The following GATB variants were observed in gnomAD, a reference collection of about 807,000 sequenced individuals.
GATB encodes the protein glutamyl-tRNA(Gln) amidotransferase subunit B, mitochondrial.
A neutral mutation model predicts 62.3 loss-of-function variants in GATB; 39 were observed. The observed-to-expected ratio is 0.63, with a 90% CI of 0.48 to 0.82. The LOEUF is 0.82. GATB is among the 40% of genes least tolerant of loss of function. The pLI is 0.00. For synonymous variants in GATB, 276 were observed against 258.9 expected, an observed-to-expected ratio of 1.07 and a Z score of -0.63; for missense variants, 670 against 684.0, an observed-to-expected ratio of 0.98 and a Z score of 0.23.
chr4:151,711,456 C>T (rs987685695), intron 5 of GATB, among the ~76,000 whole-genome samples: 1 of 152,182 alleles, frequency 6.6e-6, no homozygotes, highest in African/African-American at 2.4e-5. Flanking sequence ...TGTGCTACCT[C>T]GCTTACCTCG....
chr4:151,756,722 C>A (rs1427451614), intron 2 of GATB, among the ~76,000 whole-genome samples: 1 of 152,190 alleles, frequency 6.6e-6, no homozygotes, highest in Non-Finnish European at 1.5e-5. Context: ...TGAACAAGCA[C>A]CTTCTTTTTT....
intron 7 of GATB, 107 bp downstream of exon 7, chr4:151,705,078 G>T: frequency 2.8e-6 from 2 of 704,426 alleles, no homozygotes; most frequent in South Asian, 1.7e-5. Flanking sequence ...CCTAAAAGTG[G>T]AGACGCTACG....
intron 6 of GATB, among the ~76,000 whole-genome samples, chr4:151,705,869 C>T (rs1435699656): frequency 6.6e-6 from 1 of 152,034 alleles, no homozygotes; most frequent in African/African-American, 2.4e-5. Context: ...GGGGGTCTCA[C>T]TATGTTTTCC....
intron 7 of GATB, 116 bp downstream of exon 7, chr4:151,705,069 C>G (rs1738687496): frequency 3.0e-6 from 2 of 675,970 alleles, no homozygotes; most frequent in Non-Finnish European, 2.6e-6. Flanking sequence ...ATGAGGAAAC[C>G]TAAAAGTGGA....
At chr4:151,675,952 G>A (rs1352903950) in intron 11 of GATB, 3 of 152,264 alleles carry the variant, frequency 2.0e-5, no homozygotes, top group Non-Finnish European at 2.9e-5. Context: ...CTGAAGGAAA[G>A]CACACAAGAC....
chr4:151,743,237 T>C (rs1206444475), intron 2 of GATB, among the ~76,000 whole-genome samples: 1 of 152,234 alleles, frequency 6.6e-6, no homozygotes, highest in Admixed American at 6.5e-5. Flanking sequence ...GCTTTCTTCA[T>C]GGTGAGTCTG....
At chr4:151,749,800 G>C (rs1739676835) in intron 2 of GATB, among the ~76,000 whole-genome samples, 1 of 152,104 alleles carries the variant, frequency 6.6e-6, no homozygotes, top group Non-Finnish European at 1.5e-5. Flanking sequence ...CAGCTCTGGA[G>C]ACATTGTCTG....
chr4:151,673,799 C>T (rs1482129652), intron 11 of GATB: 2 of 152,212 alleles, frequency 1.3e-5, no homozygotes, highest in African/African-American at 2.4e-5. Flanking sequence ...TGGTCTCCCA[C>T]CGGTGCCACC....
At chr4:151,753,181 T>C (rs6849782) in intron 2 of GATB, among the ~76,000 whole-genome samples, 371 of 152,208 alleles carry the variant, frequency 2.4e-3, no homozygotes, top group African/African-American at 8.5e-3. Flanking sequence ...TCAGGGAAAG[T>C]GTGTCATGAG....
At chr4:151,695,549 C>G (rs1363763729) in intron 9 of GATB, among the ~76,000 whole-genome samples, 2 of 152,162 alleles carry the variant, frequency 1.3e-5, no homozygotes, top group Non-Finnish European at 2.9e-5. Context: ...TCGGGATGCT[C>G]TGGCTTCCTC....
chr4:151,717,522 G>A (rs1329372476), intron 3 of GATB, among the ~76,000 whole-genome samples: 2 of 152,068 alleles, frequency 1.3e-5, no homozygotes, highest in African/African-American at 4.8e-5. Context: ...CTCTCCACAC[G>A]GCCAACAGCA....
chr4:151,725,678 T>C (rs989455551), intron 2 of GATB, among the ~76,000 whole-genome samples: 1 of 152,258 alleles, frequency 6.6e-6, no homozygotes, highest in East Asian at 1.9e-4. Flanking sequence ...GAAGATTATA[T>C]AACTTACTTA....
chr4:151,745,140 T>C (rs867013932), intron 2 of GATB, among the ~76,000 whole-genome samples: 1 of 152,232 alleles, frequency 6.6e-6, no homozygotes, highest in African/African-American at 2.4e-5. Context: ...AGAAATTTCA[T>C]AGAAAATGGT....
At chr4:151,703,715 T>C in intron 8 of GATB, 136 bp downstream of exon 8, 2 of 720,284 alleles carry the variant, frequency 2.8e-6, no homozygotes, top group Non-Finnish European at 5.1e-6. Flanking sequence ...GAAGTCTAGA[T>C]GTCCCATCAT....
chr4:151,708,275 G>C (rs1344500176), intron 5 of GATB, among the ~76,000 whole-genome samples, 174 bp from the exon 6 acceptor site: 1 of 152,210 alleles, frequency 6.6e-6, no homozygotes, highest in Non-Finnish European at 1.5e-5. Flanking sequence ...GGTACTTCTG[G>C]CCACTCGAGA....
At chr4:151,675,593 T>C (rs1423766532) in intron 11 of GATB, 2 of 152,258 alleles carry the variant, frequency 1.3e-5, no homozygotes, top group African/African-American at 4.8e-5. Flanking sequence ...AGCCCTGTGC[T>C]GCAGCATAAA....
At chr4:151,731,694 C>A (rs571441866) in intron 2 of GATB, among the ~76,000 whole-genome samples, 2 of 151,200 alleles carry the variant, frequency 1.3e-5, no homozygotes, top group African/African-American at 4.9e-5. Flanking sequence ...GGCCGCCCAT[C>A]GTCTGAGATG....
intron 6 of GATB, among the ~76,000 whole-genome samples, chr4:151,705,952 TG>T (rs1182080045): frequency 4.6e-5 from 7 of 152,176 alleles, no homozygotes; most frequent in African/African-American, 1.7e-4. Context: ...ATTACAGGCA[TG>T]AGCCACTAAG....
At chr4:151,693,257 T>C (rs1738402610) in intron 9 of GATB, among the ~76,000 whole-genome samples, 1 of 152,122 alleles carries the variant, frequency 6.6e-6, no homozygotes, top group African/African-American at 2.4e-5. Context: ...AGGACAGTGA[T>C]GGCTCTCAGC....
Sources: gnomAD v4.1 joint callset for allele counts (sites outside exome capture counted in the v4.1 genomes callset) on GRCh38, gnomAD v4.1.1 for gene constraint, MANE v1.5 for transcripts, NCBI Gene and HGNC (gene_info 2026-07-23, HGNC 2026-07-21) for gene names.